The following GTPBP4 variants were observed in gnomAD, a reference collection of about 807,000 sequenced individuals.
GTPBP4 encodes the protein GTP binding protein 4.
A neutral mutation model predicts 81.7 loss-of-function variants in GTPBP4; 15 were observed. That is an observed-to-expected ratio of 0.18 (90% CI 0.12 to 0.28). The LOEUF (loss-of-function observed/expected upper bound fraction) is 0.28, where lower values mean the gene tolerates loss of function less well. Among genes scored for constraint, GTPBP4 ranks in the 10% least tolerant of loss-of-function variants. The pLI, the probability that GTPBP4 is intolerant of heterozygous loss-of-function variation, is 1.00. For synonymous variants in GTPBP4, 272 were observed against 274.6 expected (o/e 0.99, Z 0.09); for missense variants, 847 against 793.8 (o/e 1.07, Z -0.81).
At chr10:1,009,625 G>T in intron 12 of GTPBP4, 45 bp downstream of exon 12, 2 of 1,085,674 alleles carry the variant, frequency 1.8e-6, no homozygotes, top group Non-Finnish European at 2.9e-6. Flanking sequence ...CCAATTGGAC[G>T]TGAAGTATTT....
chr10:1,013,076 C>T lies in GTPBP4; in HGVS notation c.1542+414C>T, dbSNP rs139837137. Among the ~76,000 whole-genome samples the T allele has an allele frequency of 9.3e-3, 1,411 of 152,072 alleles. 19 individuals are homozygous for T. The highest frequency in any genetic ancestry group is 0.024 in the African/African-American group (990 of 41,508). ...TTGGCTCACTGCAGCCTCCACCTCGCGGGTTCAAGCAATTCTCCTGCCTCA... is the reference window on the plus strand; with the variant it reads ...TTGGCTCACTGCAGCCTCCACCTCGTGGGTTCAAGCAATTCTCCTGCCTCA... On this transcript the variant is annotated intron_variant, in intron 14 of 16. Transcript: ENST00000360803.
intron 6 of GTPBP4, 31 bp from the exon 7 acceptor site, chr10:1,000,646 T>C (rs1021068473): frequency 3.3e-5 from 46 of 1,393,796 alleles, no homozygotes; most frequent in Non-Finnish European, 4.4e-5. Flanking sequence ...TGGGTGAGTG[T>C]GCTTTCAGTG....
intron 1 of GTPBP4, 184 bp downstream of exon 1, chr10:988,711 C>T (rs1170732960): frequency 6.7e-6 from 4 of 600,488 alleles, no homozygotes; most frequent in Non-Finnish European, 1.2e-5. Context: ...ATCCGGGGTC[C>T]ACCAGAGATC....
intron 5 of GTPBP4, among the ~76,000 whole-genome samples, chr10:998,666 C>G (rs1164569866): frequency 2.0e-5 from 3 of 152,216 alleles, no homozygotes; most frequent in Admixed American, 1.3e-4. Flanking sequence ...AGTTCATTAG[C>G]AGTGCATGAC....
chr10:1,012,777 C>T (rs1334145437), intron 14 of GTPBP4, 115 bp downstream of exon 14: 1 of 677,712 alleles, frequency 1.5e-6, no homozygotes, highest in African/African-American at 1.8e-5. Context: ...ATTGCACATT[C>T]TTGTTTTATT....
rs767884934 is a variant in GTPBP4 at position 1,019,752 on chromosome 10, C to A, written c.*2525C>A. On this transcript the variant is annotated 3_prime_UTR_variant, in exon 17 of 17. Transcript: ENST00000360803. ...GTTTTTCCTCACAAGCAGAAGGTAA[C>A]AAATTTCATGCTCTCCCCAAATTCT... 1.8e-5 allele frequency: 29 copies of A among 1,613,998 alleles called. No homozygotes were observed. Among genetic ancestry groups the A allele is most frequent in the Non-Finnish European group, 2.5e-5 (29 of 1,180,008 alleles).
At chr10:1,005,302 C>T (rs1057389785) in intron 8 of GTPBP4, among the ~76,000 whole-genome samples, 22 of 152,104 alleles carry the variant, frequency 1.4e-4, no homozygotes, top group Middle Eastern at 3.2e-3. Context: ...GCCGCCACCA[C>T]GCCTGGCTAA....
At chr10:1,005,994 C>G in intron 9 of GTPBP4, 87 bp downstream of exon 9, 1 of 759,716 alleles carries the variant, frequency 1.3e-6, no homozygotes, top group African/African-American at 1.8e-5. Context: ...AGTTTTCTTT[C>G]TAGACATTGT....
chr10:1,006,638 C>CA (rs1221078301), intron 9 of GTPBP4, among the ~76,000 whole-genome samples: 8 of 150,806 alleles, frequency 5.3e-5, no homozygotes, highest in Non-Finnish European at 8.9e-5. Context: ...GATACCATCT[C>CA]AAAAAAAAAG....
chr10:996,442 A>C, intron 4 of GTPBP4, 200 bp downstream of exon 4: 1 of 397,430 alleles, frequency 2.5e-6, no homozygotes, highest in Non-Finnish European at 4.4e-6. Context: ...ACTGATAAGA[A>C]AATTTATATA....
chr10:1,007,001 CT>C lies in GTPBP4; in HGVS notation c.1003-11del, dbSNP rs1831750538. On this transcript the variant is annotated splice_polypyrimidine_tract_variant and intron_variant, in intron 9 of 16. Transcript: ENST00000360803. Reference sequence around the variant, plus strand: ...GAGGATGCGTTTGTGACTGTGCCTTCTTTTTTACGTTATTAGGCTTGCGATA... The same window carrying C: ...GAGGATGCGTTTGTGACTGTGCCTTCTTTTTACGTTATTAGGCTTGCGATA... The C allele has an allele frequency of 1.3e-6, 2 of 1,540,844 alleles. No individual in the cohort carries two copies. The highest frequency in any genetic ancestry group is 1.7e-4 in the Middle Eastern group (1 of 5,948).
rs112433190 is a variant in GTPBP4, at chr10:1,009,669, A to T, written c.1243+89A>T. 12 of 831,306 alleles carry T rather than the reference A, an allele frequency of 1.4e-5. No homozygotes were observed. The African/African-American group carries it at 1.7e-4, about 12-fold the overall frequency. 51.5% of individuals were successfully genotyped at this position (831,306 alleles called of 1,614,324 possible). A position where few individuals can be genotyped will look rare whatever the true frequency, so the allele number is the denominator to read the frequency against. On this transcript the variant is annotated intron_variant, in intron 12 of 16. Coordinates refer to ENST00000360803, the MANE Select transcript of GTPBP4 (RefSeq NM_012341.3). The stretch of plus-strand genomic sequence containing the variant: ...GGGGGAAAGACTTTAATAAGTAATA[A>T]AAGTGTTTCAGCCTATTTGTCAACT...
chr10:989,431 T>C (rs1326709761), intron 1 of GTPBP4, among the ~76,000 whole-genome samples: 3 of 152,100 alleles, frequency 2.0e-5, no homozygotes, highest in Admixed American at 6.5e-5. Context: ...TTAGGACTTT[T>C]AAGAAGTCAC....
intron 8 of GTPBP4, among the ~76,000 whole-genome samples, chr10:1,001,811 A>G (rs1375830763): frequency 6.6e-6 from 1 of 151,758 alleles, no homozygotes; most frequent in Non-Finnish European, 1.5e-5. Context: ...GGCCTAACAT[A>G]TGGTCTATCC....
Position 1,019,378 on chromosome 10 carries a change from G to T in GTPBP4, c.*2151G>T. ...AAGATATGACAAAGTTGATGAAAAG[G>T]TTGAAATAGTGATTTATACATGATG... On this transcript the variant is annotated 3_prime_UTR_variant, in exon 17 of 17. Transcript: ENST00000360803. 1 of 604,026 alleles carries T rather than the reference G, an allele frequency of 1.7e-6. No homozygotes were observed. The highest frequency in any genetic ancestry group is 2.9e-6 in the Non-Finnish European group (1 of 349,988). The allele number at this position is 604,026 out of a possible 1,614,324, so 37.4% of individuals were successfully genotyped here.
rs1831973627 is a variant in GTPBP4 at position 1,015,662 on chromosome 10, GGAGTGGACCTGGGGTCCTGAGCGCT to G, written c.1609-87_1609-63del. 1.1e-5 allele frequency: 5 copies of G among 472,042 alleles called. 1 individual carries two copies. In the African/African-American group the frequency reaches 2.2e-4, roughly 21 times the overall value. 29.2% of individuals were successfully genotyped at this position (472,042 alleles called of 1,614,324 possible). A position where few individuals can be genotyped will look rare whatever the true frequency, so the allele number is the denominator to read the frequency against. Reference sequence around the variant, plus strand: ...TCCTGAGCGCTGAGCACTGAGCCTGGGAGTGGACCTGGGGTCCTGAGCGCTGAGCACTGAGCCTGGGAGTGGACCT... The same window carrying G: ...TCCTGAGCGCTGAGCACTGAGCCTGGGAGCACTGAGCCTGGGAGTGGACCT... On this transcript the variant is annotated intron_variant, in intron 15 of 16. Transcript: ENST00000360803.
intron 6 of GTPBP4, 75 bp from the exon 7 acceptor site, chr10:1,000,602 A>G (rs1458662650): frequency 1.3e-6 from 1 of 750,244 alleles, no homozygotes; most frequent in Non-Finnish European, 2.0e-6. Context: ...GGTGTGTGTG[A>G]GTGACTTCTG....
At chr10:994,612 T>C (rs1270982919) in intron 2 of GTPBP4, among the ~76,000 whole-genome samples, 1 of 152,188 alleles carries the variant, frequency 6.6e-6, no homozygotes, top group Non-Finnish European at 1.5e-5. Context: ...TTAGGAAATA[T>C]TTGATTTTAG....
At position 1,000,934 on chromosome 10, in the gene GTPBP4, TC is replaced by T. The variant is rs770164966; in HGVS notation, c.847-13del. 3 of 1,611,074 alleles carry T rather than the reference TC, an allele frequency of 1.9e-6. No individual in the cohort carries two copies. On this transcript the variant is annotated splice_polypyrimidine_tract_variant and intron_variant, in intron 7 of 16. Coordinates refer to ENST00000360803, the MANE Select transcript of GTPBP4 (RefSeq NM_012341.3). Reference sequence around the variant, plus strand: ...ACGAGAATAATGATTTCATTATTTTTCTTCCTTGCCTAGCCTCTCATAGTTG... The same window carrying T: ...ACGAGAATAATGATTTCATTATTTTTTTCCTTGCCTAGCCTCTCATAGTTG...
Sources: gnomAD v4.1 joint callset for allele counts (sites outside exome capture counted in the v4.1 genomes callset) on GRCh38, gnomAD v4.1.1 for gene constraint, MANE v1.5 for transcripts, NCBI Gene and HGNC (gene_info 2026-07-23, HGNC 2026-07-21) for gene names.